Variants in FAM114A2 observed in about 807,000 individuals in gnomAD.
FAM114A2 encodes family with sequence similarity 114 member A2, also known as protein FAM114A2.
FAM114A2 carries 53 observed loss-of-function variants against 58.4 expected under a neutral mutation model. That is an observed-to-expected ratio of 0.91 (90% CI 0.73 to 1.14). The LOEUF (loss-of-function observed/expected upper bound fraction) is 1.14, where lower values mean the gene tolerates loss of function less well. Among genes scored for constraint, FAM114A2 ranks in the 50% most tolerant of loss-of-function variants. The pLI is 0.00. For missense variants in FAM114A2, 601 were observed against 581.1 expected (o/e 1.03, Z -0.35); for synonymous variants, 228 against 211.4 (o/e 1.08, Z -0.68).
intron 8 of FAM114A2, among the ~76,000 whole-genome samples, chr5:154,021,622 A>G (rs548894233): frequency 6.6e-6 from 1 of 152,340 alleles, no homozygotes; most frequent in African/African-American, 2.4e-5. Context: ...GGAGAACCAC[A>G]AACCACTGCT....
intron 1 of FAM114A2, among the ~76,000 whole-genome samples, chr5:154,035,819 G>T (rs967557796): frequency 1.3e-5 from 2 of 152,278 alleles, no homozygotes; most frequent in African/African-American, 4.8e-5. Context: ...ATGTATGACT[G>T]ATAAGTTTTT....
At chr5:154,006,937 C>T (rs1264200201) in intron 9 of FAM114A2, among the ~76,000 whole-genome samples, 1 of 151,914 alleles carries the variant, frequency 6.6e-6, no homozygotes, top group African/African-American at 2.4e-5. Flanking sequence ...GCTGGGATTA[C>T]AGGCACCTGC....
chr5:154,038,200 A>G (rs903832607), intron 1 of FAM114A2: 3 of 152,218 alleles, frequency 2.0e-5, no homozygotes, highest in African/African-American at 7.2e-5. Context: ...GTAAATAAAT[A>G]CGGCTGAGCC....
At chr5:154,008,861 G>A (rs1187680909) in intron 9 of FAM114A2, among the ~76,000 whole-genome samples, 3 of 152,122 alleles carry the variant, frequency 2.0e-5, no homozygotes, top group Non-Finnish European at 2.9e-5. Flanking sequence ...TAATATTGTT[G>A]GGAGACAAGG....
chr5:154,013,565 T>G (rs528003551), intron 8 of FAM114A2, among the ~76,000 whole-genome samples: 1 of 152,286 alleles, frequency 6.6e-6, no homozygotes, highest in Admixed American at 6.5e-5. Flanking sequence ...GAAAAAAATA[T>G]CATAGACACA....
At position 153,993,086 on chromosome 5, in the gene FAM114A2, G is replaced by C; in HGVS notation, c.1408C>G (p.Gln470Glu). ...GGTAAGAGTAGCTGAAAGGCGTCCT[G>C]GATGTAGGAGGCACTGTTTGATGCC... ...LEASNSASYI[Q>E]DAFQLLLPVL... is the part of the protein sequence containing the mutation. The change falls in exon 14 of 14, where the codon CAG (glutamine) becomes GAG (glutamate). Residue 470 changes from glutamine (Q) to glutamate (E), a missense_variant. Physicochemically the swap from Gln to Glu is conservative, Grantham distance 29 (BLOSUM62 2). Transcript: ENST00000351797. 1 of 1,611,200 alleles carries C rather than the reference G, an allele frequency of 6.2e-7. No individual in the cohort carries two copies. The highest frequency in any genetic ancestry group is 8.5e-7 in the Non-Finnish European group (1 of 1,178,174).
chr5:154,036,536 C>G (rs1772568227), intron 1 of FAM114A2, among the ~76,000 whole-genome samples: 1 of 152,106 alleles, frequency 6.6e-6, no homozygotes, highest in Non-Finnish European at 1.5e-5. Context: ...CAAAATGTTT[C>G]TAATGTATTA....
chr5:154,036,928 C>A (rs1195743484), intron 1 of FAM114A2: 1 of 152,244 alleles, frequency 6.6e-6, no homozygotes, highest in African/African-American at 2.4e-5. Flanking sequence ...CCACATTCAA[C>A]TCTGTAATAA....
chr5:154,023,460 T>C (rs1296963671), intron 8 of FAM114A2, among the ~76,000 whole-genome samples: 1 of 152,134 alleles, frequency 6.6e-6, no homozygotes, highest in Non-Finnish European at 1.5e-5. Context: ...ACGAATGAAT[T>C]AATGCATTCG....
chr5:154,007,024 T>A (rs1770398261), intron 9 of FAM114A2, among the ~76,000 whole-genome samples: 1 of 152,024 alleles, frequency 6.6e-6, no homozygotes, highest in Admixed American at 6.6e-5. Flanking sequence ...CTTGAACTCC[T>A]GACTTCATGA....
chr5:154,014,154 G>T (rs1052680194), intron 8 of FAM114A2, among the ~76,000 whole-genome samples: 1 of 152,154 alleles, frequency 6.6e-6, no homozygotes, highest in Non-Finnish European at 1.5e-5. Flanking sequence ...TTCCAATCAG[G>T]ACAAGTACCT....
At chr5:154,026,788 G>A (rs1771807599) in intron 7 of FAM114A2, among the ~76,000 whole-genome samples, 1 of 149,152 alleles carries the variant, frequency 6.7e-6, no homozygotes, top group Non-Finnish European at 1.5e-5. Flanking sequence ...AAAAAAATTA[G>A]ATAATCTTAA....
At chr5:154,029,617 G>C in intron 4 of FAM114A2, 37 bp from the exon 5 acceptor site, 2 of 1,195,730 alleles carry the variant, frequency 1.7e-6, no homozygotes, top group Non-Finnish European at 2.5e-6. Flanking sequence ...ATGAAGGGAA[G>C]GTCCCTTAAC....
intron 4 of FAM114A2, among the ~76,000 whole-genome samples, chr5:154,032,616 C>T (rs1468729169): frequency 5.9e-5 from 9 of 152,134 alleles, no homozygotes; most frequent in Non-Finnish European, 1.5e-5. Context: ...AAGAAACATG[C>T]TTGGGACTCC....
chr5:154,027,270 T>G lies in FAM114A2; in HGVS notation c.695A>C (p.Asp232Ala), dbSNP rs1315663350. The G allele has an allele frequency of 1.5e-5, 25 of 1,613,530 alleles. No individual in the cohort carries two copies. Among genetic ancestry groups the G allele is most frequent in the Non-Finnish European group, 2.0e-5 (24 of 1,179,676 alleles). The change falls in exon 7 of 14, where the codon GAC (aspartate) becomes GCC (alanine). Residue 232 changes from aspartate to alanine, a missense_variant. Coordinates refer to ENST00000351797, the MANE Select transcript of FAM114A2 (RefSeq NM_018691.4). ...GAGTAGCCCATAATGAGTTTTCTTG[T>G]CTGTTTCCACGGTAACCTCATTGGA... ...RTSNEVTVETDKKTHYGLLFD... is the reference protein window; with the variant it reads ...RTSNEVTVETAKKTHYGLLFD...
At chr5:154,034,061 T>C (rs1772372056) in intron 3 of FAM114A2, among the ~76,000 whole-genome samples, 178 bp from the exon 4 acceptor site, 2 of 152,168 alleles carry the variant, frequency 1.3e-5, no homozygotes, top group African/African-American at 2.4e-5. Flanking sequence ...AAAGAATAAG[T>C]TCACAGTAAT....
At chr5:154,016,344 G>A (rs960494457) in intron 8 of FAM114A2, among the ~76,000 whole-genome samples, 1 of 152,094 alleles carries the variant, frequency 6.6e-6, no homozygotes, top group African/African-American at 2.4e-5. Flanking sequence ...ACAAGGGAAA[G>A]AATCTCAAGC....
At chr5:154,022,142 T>G (rs1771460952) in intron 8 of FAM114A2, among the ~76,000 whole-genome samples, 1 of 152,094 alleles carries the variant, frequency 6.6e-6, no homozygotes, top group African/African-American at 2.4e-5. Flanking sequence ...CAAAAATCAA[T>G]TCAAGATGGA....
In FAM114A2 at chr5:153,992,559, C is replaced by A. The variant is rs570208814; in HGVS notation, c.*417G>T. The A allele has an allele frequency of 6.5e-6, 1 of 153,930 alleles. No homozygotes were observed. Among genetic ancestry groups the A allele is most frequent in the African/African-American group, 2.4e-5 (1 of 41,500 alleles). The allele number at this position is 153,930 out of a possible 1,614,324, so 9.5% of individuals were successfully genotyped here. Reference sequence around the variant, plus strand: ...GAAAGTACATGGCATTAATAAACCACACATGCCATGAATTTTAGAACACTA... The same window carrying A: ...GAAAGTACATGGCATTAATAAACCAAACATGCCATGAATTTTAGAACACTA... On this transcript the variant is annotated 3_prime_UTR_variant, in exon 14 of 14. Transcript: ENST00000351797.
Sources: allele counts gnomAD v4.1 joint callset (sites outside exome capture counted in the v4.1 genomes callset), GRCh38; gene constraint gnomAD v4.1.1; transcripts MANE v1.5; gene names NCBI Gene and HGNC (gene_info 2026-07-23, HGNC 2026-07-21).